The following ACOT11 variants were observed in gnomAD, a reference collection of about 807,000 sequenced individuals.
ACOT11 encodes acyl-CoA thioesterase 11, also known as acyl-coenzyme A thioesterase 11.
Under a neutral mutation model 77.5 loss-of-function variants are expected in ACOT11, and 69 were observed. The observed-to-expected ratio is 0.89, with a 90% CI of 0.73 to 1.09. The LOEUF is 1.09. ACOT11 is among the 50% of genes least tolerant of loss of function. The pLI, the probability that ACOT11 is intolerant of heterozygous loss-of-function variation, is 0.00. For synonymous variants in ACOT11, 279 were observed against 313.0 expected (o/e 0.89, Z 1.15); for missense variants, 766 against 813.7 (o/e 0.94, Z 0.71).
intron 9 of ACOT11, among the ~76,000 whole-genome samples, chr1:54,602,000 G>A (rs761606024): frequency 2.0e-5 from 3 of 152,250 alleles, no homozygotes; most frequent in Non-Finnish European, 2.9e-5. Flanking sequence ...TCCCTTGGGG[G>A]AGGTCCCCTG....
exon 17 of ACOT11, chr1:54,635,087 T>C (rs1420675793): frequency 3.3e-6 from 1 of 301,440 alleles, no homozygotes; most frequent in Admixed American, 4.8e-5. Flanking sequence ...ATAAATCGGC[T>C]CCTATAATTG....
At chr1:54,566,696 T>A (rs1653744927) in intron 1 of ACOT11, among the ~76,000 whole-genome samples, 1 of 152,154 alleles carries the variant, frequency 6.6e-6, no homozygotes, top group Non-Finnish European at 1.5e-5. Context: ...TAGTGGTGGA[T>A]GGGCTGAACT....
Position 54,584,755 on chromosome 1 carries a change from C to T in ACOT11, c.134C>T (p.Thr45Met), listed in dbSNP as rs751039905. 9.3e-6 allele frequency: 15 copies of T among 1,613,978 alleles called. No homozygotes were observed. Among genetic ancestry groups the T allele is most frequent in the African/African-American group, 2.7e-5 (2 of 74,922 alleles). Residue 45 changes from threonine (T) to methionine (M), a missense_variant, in exon 2 of 16, where the codon ACG (threonine) becomes ATG (methionine). Transcript: ENST00000343744. This position sits in a 1 kb window ranked among gnomAD's most constrained non-coding sequence, Gnocchi z 6.3. ...GACGGCGAGGGATACCGGAACCCCA[C>T]GGAGGTGCAGATGAGCCAGCTGGTG... ...MADGEGYRNP[T>M]EVQMSQLVLP...
intron 1 of ACOT11, among the ~76,000 whole-genome samples, chr1:54,552,446 C>A (rs955791457): frequency 6.6e-6 from 1 of 152,032 alleles, no homozygotes; most frequent in African/African-American, 2.4e-5. Context: ...ATATGTGAAC[C>A]CCCAGCCTCA....
In ACOT11 at chr1:54,594,582, G is replaced by A; in HGVS notation, c.498G>A (p.Arg166=). Residue 166 remains arginine (R), a synonymous_variant, in exon 6 of 16, where the codon CGG becomes CGA. Coordinates refer to ENST00000343744, the MANE Select transcript of ACOT11 (RefSeq NM_147161.4). ...TKVKLKQITP[R]TEEEKMEHSV... ...TGAAGCTGAAGCAGATCACGCCGCGGACAGAAGAGGAGAAGATGGAGCACA... is the reference window on the plus strand; with the variant it reads ...TGAAGCTGAAGCAGATCACGCCGCGAACAGAAGAGGAGAAGATGGAGCACA... 6.2e-7 allele frequency: 1 copy of A among 1,614,080 alleles called. No homozygotes were observed.
intron 1 of ACOT11, among the ~76,000 whole-genome samples, chr1:54,550,418 C>A (rs1446599266): frequency 1.3e-5 from 2 of 152,190 alleles, no homozygotes; most frequent in Non-Finnish European, 2.9e-5. Flanking sequence ...CTTTGGATTT[C>A]TCTTGAATTC....
rs757442546 is a variant in ACOT11, at chr1:54,623,356, A to T, written c.1630-7378A>T. The T allele has an allele frequency of 2.5e-5, 40 of 1,613,698 alleles. No individual in the cohort carries two copies. The Middle Eastern group carries it at 8.3e-4, about 33-fold the overall frequency. ...ACACAGGTAATGCCGGCAAACACCC[A>T]CTTGACCTGATTCTTTGATAACTGC... On this transcript the variant is annotated intron_variant, in intron 15 of 16. Coordinates refer to the ACOT11 transcript ENST00000371316.
At chr1:54,613,705 CA>C (rs1207458876), downstream of ACOT11, among the ~76,000 whole-genome samples, 1 of 152,120 alleles carries the variant, frequency 6.6e-6, no homozygotes, top group African/African-American at 2.4e-5. Context: ...ACTGCCCACC[CA>C]AAAAAACCCT....
chr1:54,600,430 C>T (rs1643946957), intron 8 of ACOT11, among the ~76,000 whole-genome samples: 1 of 152,206 alleles, frequency 6.6e-6, no homozygotes, highest in African/African-American at 2.4e-5. Context: ...CGCCTGTAAT[C>T]CCAGCACTTT....
Position 54,594,028 on chromosome 1 carries a change from G to A in ACOT11, c.460G>A (p.Glu154Lys), listed in dbSNP as rs1196402315. The change falls in exon 5 of 16, where the codon GAG becomes AAG. Residue 154 changes from glutamate to lysine, a missense_variant. Coordinates refer to ENST00000343744, the MANE Select transcript of ACOT11 (RefSeq NM_147161.4). ...CTTGGCCACCTTCGTGGCCCGCCGA[G>A]AGATCACCAAGGTAACTGGGTGCGC... ...KALATFVARREITKVKLKQIT... is the reference protein window; with the variant it reads ...KALATFVARRKITKVKLKQIT... 2 of 1,613,802 alleles carry A rather than the reference G, an allele frequency of 1.2e-6. No individual in the cohort carries two copies. Among genetic ancestry groups the A allele is most frequent in the Non-Finnish European group, 1.7e-6 (2 of 1,179,892 alleles).
At chr1:54,623,321 C>T (rs998251649) in intron 15 of ACOT11, 1 of 1,614,018 alleles carries the variant, frequency 6.2e-7, no homozygotes, top group East Asian at 2.2e-5. Context: ...CGGCAATGAC[C>T]ACCACAGACA....
intron 1 of ACOT11, among the ~76,000 whole-genome samples, chr1:54,554,366 T>TGGAGTCCTGC (rs1653189386): frequency 7.1e-6 from 1 of 140,004 alleles, no homozygotes; most frequent in African/African-American, 2.6e-5. Flanking sequence ...TTTTTTTTTT[T>TGGAGTCCTGC]TTTGAGATGG....
chr1:54,582,702 C>G (rs1385454476), intron 1 of ACOT11, among the ~76,000 whole-genome samples: 2 of 152,126 alleles, frequency 1.3e-5, no homozygotes, highest in African/African-American at 4.8e-5. Context: ...TTGCCCTCGT[C>G]CTCGTGAGGG....
Position 54,607,228 on chromosome 1 carries a change from G to C in ACOT11, c.1465G>C (p.Val489Leu), listed in dbSNP as rs771940818. Residue 489 changes from valine to leucine, a missense_variant, in exon 14 of 16, where the codon GTG (valine) becomes CTG (leucine). Val to Leu is a conservative substitution (Grantham distance 32). Transcript: ENST00000343744. The surrounding 1 kb of genome is among the most constrained non-coding windows in gnomAD (Gnocchi z 4.5). ...AGGTCACACAAAGCCCCAGGACTTC[G>C]TGATCCTGGCCTCGAGGCGGAAGCC... is the stretch of plus-strand genomic sequence containing the variant. Reference protein sequence around the residue: ...LGGHTKPQDFVILASRRKPCD... With the variant: ...LGGHTKPQDFLILASRRKPCD... 9.9e-6 allele frequency: 16 copies of C among 1,614,066 alleles called. No individual in the cohort carries two copies. The Admixed American group carries it at 1.7e-4, about 17-fold the overall frequency.
At position 54,557,495 on chromosome 1, in the gene ACOT11, G is replaced by T. The variant is rs1446085020; in HGVS notation, c.33+9153G>T. Among the ~76,000 whole-genome samples, 4 of 151,994 alleles carry T rather than the reference G, an allele frequency of 2.6e-5. No homozygotes were observed. The East Asian group carries it at 7.7e-4, about 29-fold the overall frequency. On this transcript the variant is annotated intron_variant, in intron 1 of 15. Transcript: ENST00000343744. ...GAGTCTTGCTATGTTGCCCAGGCTG[G>T]TTTCAAACTATTGGGCTCAAGCAAT...
intron 3 of ACOT11, among the ~76,000 whole-genome samples, chr1:54,588,655 G>A (rs1654591024): frequency 6.6e-6 from 1 of 152,194 alleles, no homozygotes; most frequent in South Asian, 2.1e-4. Flanking sequence ...TCTGTGTATA[G>A]TGATACTTTG....
At chr1:54,600,306 C>T (rs1643946006) in intron 8 of ACOT11, among the ~76,000 whole-genome samples, 1 of 152,104 alleles carries the variant, frequency 6.6e-6, no homozygotes, top group South Asian at 2.1e-4. Flanking sequence ...TTGGTTTCCC[C>T]ATCTATATAA....
intron 13 of ACOT11, among the ~76,000 whole-genome samples, chr1:54,606,831 T>C (rs1195412636): frequency 6.6e-6 from 1 of 152,250 alleles, no homozygotes; most frequent in Non-Finnish European, 1.5e-5. Flanking sequence ...TGTCTGTCCA[T>C]GTGCCTGTGC....
intron 15 of ACOT11, chr1:54,620,108 G>C (rs1335127791): frequency 5.5e-6 from 7 of 1,277,846 alleles, no homozygotes; most frequent in African/African-American, 1.5e-5. Context: ...ACTGTGTCCA[G>C]TACCCCATCT....
Sources: allele counts gnomAD v4.1 joint callset (sites outside exome capture counted in the v4.1 genomes callset), GRCh38; gene constraint gnomAD v4.1.1; non-coding constraint Gnocchi (gnomAD v3.1); transcripts MANE v1.5; gene names NCBI Gene and HGNC (gene_info 2026-07-23, HGNC 2026-07-21).